The following BICRAL variants were observed in gnomAD, a reference collection of about 807,000 sequenced individuals.
BICRAL encodes the protein BRD4-interacting chromatin-remodeling complex-associated protein-like.
BICRAL carries 8 observed loss-of-function variants against 91.8 expected under a neutral mutation model. That is an observed-to-expected ratio of 0.09 (90% CI 0.05 to 0.16). BICRAL has a LOEUF of 0.16. Among genes scored for constraint, BICRAL ranks in the 10% least tolerant of loss-of-function variants. BICRAL has a pLI of 1.00. For missense variants in BICRAL, 1,038 were observed against 1,310.9 expected (o/e 0.79, Z 3.21); for synonymous variants, 445 against 491.1 (o/e 0.91, Z 1.24).
upstream of BICRAL, among the ~76,000 whole-genome samples, chr6:42,746,692 C>G (rs994065522): frequency 1.3e-5 from 2 of 151,388 alleles, no homozygotes; most frequent in African/African-American, 4.9e-5. Flanking sequence ...ATTTCTGCCT[C>G]CCCGTAGCCC....
chr6:42,859,393 A>G (rs1356546990), intron 10 of BICRAL, among the ~76,000 whole-genome samples: 7 of 149,524 alleles, frequency 4.7e-5, no homozygotes, highest in Non-Finnish European at 8.9e-5. Flanking sequence ...CTCTGTCTCA[A>G]AAAAAAAAAA....
chr6:42,787,158 G>C (rs1285611707), intron 1 of BICRAL, among the ~76,000 whole-genome samples: 1 of 152,196 alleles, frequency 6.6e-6, no homozygotes, highest in African/African-American at 2.4e-5. Flanking sequence ...GGTGGAATCA[G>C]AAGGATTTGC....
At chr6:42,862,915 T>C (rs751710847) in intron 12 of BICRAL, among the ~76,000 whole-genome samples, 2 of 152,236 alleles carry the variant, frequency 1.3e-5, no homozygotes, top group African/African-American at 2.4e-5. Flanking sequence ...ATACTCTTCG[T>C]TGTTTTGTAG....
chr6:42,789,190 G>T (rs544120465), intron 1 of BICRAL, among the ~76,000 whole-genome samples: 1 of 152,242 alleles, frequency 6.6e-6, no homozygotes, highest in South Asian at 2.1e-4. Flanking sequence ...GCTGGATAGG[G>T]CTCTTGGTTT....
At chr6:42,795,179 C>T (rs1325400684) in intron 1 of BICRAL, among the ~76,000 whole-genome samples, 1 of 152,164 alleles carries the variant, frequency 6.6e-6, no homozygotes, top group Non-Finnish European at 1.5e-5. Context: ...CACCTGTAAT[C>T]CCAGCACTTT....
intron 6 of BICRAL, among the ~76,000 whole-genome samples, chr6:42,837,747 A>G (rs567310680): frequency 8.6e-5 from 13 of 151,186 alleles, no homozygotes; most frequent in South Asian, 2.1e-4. Flanking sequence ...GCAAGACTCC[A>G]TCTCAAAAAA....
Position 42,828,972 on chromosome 6 carries a change from A to G in BICRAL, c.639A>G (p.Ile213Met). 1 of 1,614,148 alleles carries G rather than the reference A, an allele frequency of 6.2e-7. No individual in the cohort carries two copies. Among genetic ancestry groups the G allele is most frequent in the Non-Finnish European group, 8.5e-7 (1 of 1,179,986 alleles). The change falls in exon 6 of 13, where the codon ATA (isoleucine) becomes ATG (methionine). Residue 213 changes from isoleucine to methionine, a missense_variant. Ile to Met is a conservative substitution (Grantham distance 10). Transcript: ENST00000314073. The stretch of plus-strand genomic sequence containing the variant: ...GTCAGATTAGTGGTTCTGGTCAAAT[A>G]CAGTTAATTGGGTCATTTGGTAATC... ...NSSQISGSGQ[I>M]QLIGSFGNHP...
intron 1 of BICRAL, among the ~76,000 whole-genome samples, chr6:42,768,759 C>T (rs1203527632): frequency 6.6e-6 from 1 of 152,166 alleles, no homozygotes; most frequent in Non-Finnish European, 1.5e-5. Context: ...CCCATTACCA[C>T]TTCTCCAAAA....
At position 42,862,598 on chromosome 6, in the gene BICRAL, C is replaced by T. The variant is rs1442105724; in HGVS notation, c.2438C>T (p.Ala813Val). 8 of 1,594,836 alleles carry T rather than the reference C, an allele frequency of 5.0e-6. No homozygotes were observed. The highest frequency in any genetic ancestry group is 3.4e-6 in the Non-Finnish European group (4 of 1,162,730). The change falls in exon 12 of 13, where the codon GCA (alanine) becomes GTA (valine). Residue 813 changes from alanine (A) to valine (V), a missense_variant. By Grantham distance (64) the Ala-to-Val change is moderately conservative. Transcript: ENST00000314073. ...TCCCTGTCCCGAGACAAGCGTTTGG[C>T]ACTTGTAGACCCTGGTAAGAAACAT... is the stretch of plus-strand genomic sequence containing the variant. ...RASLSRDKRL[A>V]LVDPEGFQAD...
intron 5 of BICRAL, among the ~76,000 whole-genome samples, chr6:42,825,103 G>T (rs1764253463): frequency 1.3e-5 from 2 of 151,014 alleles, no homozygotes; most frequent in Non-Finnish European, 3.0e-5. Context: ...TACTAAAAAT[G>T]CAAAAAATTA....
At chr6:42,788,980 C>T (rs553144858) in intron 1 of BICRAL, among the ~76,000 whole-genome samples, 2 of 152,172 alleles carry the variant, frequency 1.3e-5, no homozygotes, top group East Asian at 3.9e-4. Flanking sequence ...CGTGTTTTGC[C>T]CTGCAGGTTT....
At chr6:42,863,082 C>G (rs1408001852) in intron 12 of BICRAL, among the ~76,000 whole-genome samples, 1 of 147,038 alleles carries the variant, frequency 6.8e-6, no homozygotes, top group African/African-American at 2.5e-5. Context: ...CGGAGTATCG[C>G]TCTGTCGCCC....
At chr6:42,825,718 A>G (rs1056033342) in intron 5 of BICRAL, among the ~76,000 whole-genome samples, 6 of 130,796 alleles carry the variant, frequency 4.6e-5, no homozygotes, top group Middle Eastern at 4.2e-3. Context: ...GTGAGACCCT[A>G]TCTCAAAAAA....
intron 2 of BICRAL, among the ~76,000 whole-genome samples, chr6:42,819,142 G>A (rs1472182228): frequency 6.6e-6 from 1 of 152,112 alleles, no homozygotes; most frequent in Non-Finnish European, 1.5e-5. Flanking sequence ...GGATTCCAGG[G>A]TTGTTACTTG....
intron 1 of BICRAL, among the ~76,000 whole-genome samples, chr6:42,785,741 TA>T (rs1300940785): frequency 6.6e-6 from 1 of 152,092 alleles, no homozygotes; most frequent in Non-Finnish European, 1.5e-5. Flanking sequence ...ATGTGGAACC[TA>T]ATAGCAGAAT....
At chr6:42,814,521 T>TATATATATATA (rs1562475045) in intron 2 of BICRAL, among the ~76,000 whole-genome samples, 2 of 34,872 alleles carry the variant, frequency 5.7e-5, no homozygotes, top group African/African-American at 2.7e-4. Context: ...ATATATATAT[T>TATATATATATA]TTTTTTTTTT....
intron 6 of BICRAL, among the ~76,000 whole-genome samples, chr6:42,839,493 A>C (rs1764727128): frequency 1.3e-5 from 2 of 151,860 alleles, no homozygotes; most frequent in South Asian, 4.2e-4. Context: ...GAGGAATTTT[A>C]AACACAAAGT....
chr6:42,826,169 A>G (rs558303698), intron 5 of BICRAL, among the ~76,000 whole-genome samples: 6 of 151,904 alleles, frequency 3.9e-5, no homozygotes, highest in African/African-American at 9.7e-5. Flanking sequence ...CAAATAGTAC[A>G]CAGCCATGAG....
In BICRAL at chr6:42,829,834, T is replaced by A; in HGVS notation, c.1501T>A (p.Leu501Met). The change falls in exon 6 of 13, where the codon TTG becomes ATG. Residue 501 changes from leucine to methionine, a missense_variant. By Grantham distance (15) the Leu-to-Met change is conservative (BLOSUM62 2). Coordinates refer to ENST00000314073, the MANE Select transcript of BICRAL (RefSeq NM_001393499.1). ...TCAGCTTGTGGGTGGACAGATGCCC[T>A]TGCAGCAGGCATCCCCAACTGTATT... is the stretch of plus-strand genomic sequence containing the variant. ...SPQLVGGQMP[L>M]QQASPTVLHL... 1 of 1,614,144 alleles carries A rather than the reference T, an allele frequency of 6.2e-7. No homozygotes were observed. The highest frequency in any genetic ancestry group is 8.5e-7 in the Non-Finnish European group (1 of 1,179,998).
Sources: allele counts gnomAD v4.1 joint callset (sites outside exome capture counted in the v4.1 genomes callset), GRCh38; gene constraint gnomAD v4.1.1; transcripts MANE v1.5; gene names NCBI Gene and HGNC (gene_info 2026-07-23, HGNC 2026-07-21).